Variants in TCF12 observed in about 807,000 individuals in gnomAD.
TCF12 encodes the protein DNA-binding protein HTF4.
Under a neutral mutation model 86.0 loss-of-function variants are expected in TCF12, and 45 were observed. The ratio of observed to expected loss-of-function variants is 0.52; its 90% CI spans 0.41 to 0.67. The LOEUF (loss-of-function observed/expected upper bound fraction) is 0.67, where lower values mean the gene tolerates loss of function less well. Among genes scored for constraint, TCF12 ranks in the 30% least tolerant of loss-of-function variants. The pLI is 0.00. For synonymous variants in TCF12, 330 were observed against 299.6 expected, an observed-to-expected ratio of 1.10 and a Z score of -1.05; for missense variants, 881 against 859.9, an observed-to-expected ratio of 1.02 and a Z score of -0.31.
At chr15:57,051,739 G>A (rs1301959424) in intron 3 of TCF12, among the ~76,000 whole-genome samples, 2 of 152,156 alleles carry the variant, frequency 1.3e-5, no homozygotes, top group African/African-American at 4.8e-5. Flanking sequence ...ATCTTACCCA[G>A]AGAGTCTGGT....
chr15:57,194,375 A>T (rs1351076249), intron 7 of TCF12, among the ~76,000 whole-genome samples: 1 of 116,546 alleles, frequency 8.6e-6, no homozygotes, highest in Admixed American at 8.2e-5. Flanking sequence ...AATTTGGCCA[A>T]GGCTTGAGTT....
chr15:57,145,124 C>G (rs1243462402), intron 5 of TCF12, among the ~76,000 whole-genome samples: 1 of 152,166 alleles, frequency 6.6e-6, no homozygotes, highest in Admixed American at 6.5e-5. Context: ...TTAATAAGAA[C>G]ATTTCCATAT....
chr15:56,976,605 A>G (rs1332526171), intron 3 of TCF12, among the ~76,000 whole-genome samples: 2 of 152,126 alleles, frequency 1.3e-5, no homozygotes, highest in Admixed American at 6.6e-5. Flanking sequence ...TAATAAATCA[A>G]TGAATCTAGG....
At chr15:56,954,470 A>G (rs1164471881) in intron 3 of TCF12, among the ~76,000 whole-genome samples, 2 of 152,226 alleles carry the variant, frequency 1.3e-5, no homozygotes, top group African/African-American at 4.8e-5. Context: ...TAAAAATCCT[A>G]GAAGAAAGCC....
At chr15:57,132,055 G>A (rs1233947309) in intron 5 of TCF12, among the ~76,000 whole-genome samples, 1 of 152,132 alleles carries the variant, frequency 6.6e-6, no homozygotes, top group Non-Finnish European at 1.5e-5. Context: ...GGAGGCTGAG[G>A]TGGGAGAATC....
intron 5 of TCF12, among the ~76,000 whole-genome samples, chr15:57,126,288 A>G (rs929461035): frequency 6.6e-6 from 1 of 152,164 alleles, no homozygotes; most frequent in Non-Finnish European, 1.5e-5. Context: ...TCAACAGTCC[A>G]TAGTAATTTG....
chr15:57,208,389 T>TTTTTTC (rs1555395450), intron 8 of TCF12, among the ~76,000 whole-genome samples: 2 of 108,122 alleles, frequency 1.8e-5, no homozygotes, highest in Admixed American at 1.0e-4. Flanking sequence ...CCTTTTTTTT[T>TTTTTTC]TTTTTTTTTT....
chr15:57,180,940 G>C lies in TCF12; in HGVS notation c.391-11218G>C, dbSNP rs556642181. 2.1e-3 allele frequency among the ~76,000 whole-genome samples: 308 copies of C among 147,878 alleles called. 2 individuals carry two copies. The highest frequency in any genetic ancestry group is 3.6e-3 in the Non-Finnish European group (244 of 67,536). On this transcript the variant is annotated intron_variant, in intron 6 of 20. Transcript: ENST00000333725. ...CGCCATTCTCCTGCCTCAGCCTCCT[G>C]AGTGGCTGGGACTACAGGCACCCGC...
At chr15:56,955,364 A>G (rs2061462359) in intron 3 of TCF12, among the ~76,000 whole-genome samples, 1 of 151,796 alleles carries the variant, frequency 6.6e-6, no homozygotes, top group Non-Finnish European at 1.5e-5. Flanking sequence ...GAACTCTAGG[A>G]CACAGGGTAG....
At chr15:57,228,803 A>G (rs1215970949) in intron 8 of TCF12, among the ~76,000 whole-genome samples, 1 of 152,046 alleles carries the variant, frequency 6.6e-6, no homozygotes, top group African/African-American at 2.4e-5. Context: ...ATAAAGAAAT[A>G]TAAATTGATA....
At chr15:56,998,365 G>A (rs1249377718) in intron 3 of TCF12, among the ~76,000 whole-genome samples, 3 of 150,272 alleles carry the variant, frequency 2.0e-5, no homozygotes, top group African/African-American at 4.9e-5. Context: ...GCTGAGGCAC[G>A]AGAATTGCTT....
intron 6 of TCF12, among the ~76,000 whole-genome samples, chr15:57,176,057 G>A (rs1361738297): frequency 6.6e-6 from 1 of 152,048 alleles, no homozygotes; most frequent in Non-Finnish European, 1.5e-5. Flanking sequence ...CCTTAAAAGG[G>A]GCATGGTGTT....
chr15:57,132,185 T>C (rs1311306278), intron 5 of TCF12, among the ~76,000 whole-genome samples: 1 of 152,030 alleles, frequency 6.6e-6, no homozygotes, highest in East Asian at 1.9e-4. Context: ...AATAATAATA[T>C]CTTATTTTGA....
At chr15:57,058,920 G>T (rs2068235280) in intron 3 of TCF12, among the ~76,000 whole-genome samples, 1 of 152,086 alleles carries the variant, frequency 6.6e-6, no homozygotes, top group African/African-American at 2.4e-5. Flanking sequence ...GTTTACAATT[G>T]ATTGCAGCCT....
intron 3 of TCF12, among the ~76,000 whole-genome samples, chr15:56,988,636 C>CAA (rs1487283211): frequency 1.3e-5 from 2 of 152,090 alleles, no homozygotes; most frequent in African/African-American, 4.8e-5. Flanking sequence ...ACAGTTTTTG[C>CAA]ACTGTGTTTT....
At chr15:57,146,750 G>C (rs958642142) in intron 5 of TCF12, among the ~76,000 whole-genome samples, 1 of 152,126 alleles carries the variant, frequency 6.6e-6, no homozygotes, top group Non-Finnish European at 1.5e-5. Flanking sequence ...TGAGCTTTCA[G>C]ATTTCACAAA....
intron 19 of TCF12, 144 bp from the exon 20 acceptor site, chr15:57,282,301 G>A (rs569308434): frequency 1.1e-6 from 1 of 933,338 alleles, no homozygotes; most frequent in Non-Finnish European, 1.6e-6. Flanking sequence ...CAATGCTGAG[G>A]TTTTATGTGA....
intron 4 of TCF12, among the ~76,000 whole-genome samples, chr15:57,077,574 C>T (rs866248775): frequency 1.3e-5 from 2 of 151,366 alleles, no homozygotes; most frequent in Admixed American, 6.6e-5. Flanking sequence ...TTACAGGCTG[C>T]CGCCACTGCA....
chr15:57,027,373 A>T (rs1315652994), intron 3 of TCF12, among the ~76,000 whole-genome samples: 1 of 152,172 alleles, frequency 6.6e-6, no homozygotes, highest in African/African-American at 2.4e-5. Flanking sequence ...TGTTTTCAAG[A>T]TTTATCCAAG....
Sources: allele counts gnomAD v4.1 joint callset (sites outside exome capture counted in the v4.1 genomes callset), GRCh38; gene constraint gnomAD v4.1.1; transcripts MANE v1.5; gene names NCBI Gene and HGNC (gene_info 2026-07-23, HGNC 2026-07-21).